The following DCAF4L1 variants were observed in gnomAD, a reference collection of about 807,000 sequenced individuals.
DCAF4L1 encodes DDB1- and CUL4-associated factor 4-like protein 1.
In DCAF4L1, 4 loss-of-function variants were observed where a neutral mutation model predicts 28.2. The ratio of observed to expected loss-of-function variants is 0.14; its 90% CI spans 0.07 to 0.33. The LOEUF is 0.33. Among genes scored for constraint, DCAF4L1 ranks in the 10% least tolerant of loss-of-function variants. The pLI is 1.00. For missense variants in DCAF4L1, 331 were observed against 506.1 expected (o/e 0.65, Z 3.32); for synonymous variants, 252 against 212.1 (o/e 1.19, Z -1.63).
At position 41,985,939 on chromosome 4, in the gene DCAF4L1, CT is replaced by C. The variant is rs1304885911; in HGVS notation, c.*2957del. ...GCAATGCTGGTGTCATGCCAGACCC[CT>C]AGTGACTCCAATAGTAATGGCACTG... On this transcript the variant is annotated 3_prime_UTR_variant, in exon 1 of 1. Coordinates refer to ENST00000333141, the MANE Select transcript of DCAF4L1 (RefSeq NM_001029955.4). 1 of 167,092 alleles carries C rather than the reference CT, an allele frequency of 6.0e-6. No individual in the cohort carries two copies. Among genetic ancestry groups the C allele is most frequent in the Admixed American group, 6.5e-5 (1 of 15,284 alleles). 10.4% of individuals were successfully genotyped at this position (167,092 alleles called of 1,614,324 possible).
In DCAF4L1 at chr4:41,984,440, CTTT is replaced by C. The variant is rs71198696; in HGVS notation, c.*1473_*1475del. 5 of 128,484 alleles carry C rather than the reference CTTT, an allele frequency of 3.9e-5. No individual in the cohort carries two copies. Among genetic ancestry groups the C allele is most frequent in the African/African-American group, 5.9e-5 (2 of 33,970 alleles). The allele number at this position is 128,484 out of a possible 1,614,324, so 8.0% of individuals were successfully genotyped here. A position where few individuals can be genotyped will look rare whatever the true frequency, so the allele number is the denominator to read the frequency against. On this transcript the variant is annotated 3_prime_UTR_variant, in exon 1 of 1. Transcript: ENST00000333141. The stretch of plus-strand genomic sequence containing the variant: ...AAAGTGAAAGAAAAAAGGATGGCAG[CTTT>C]TTTTTTTTTTTTTTTGAGACGGAGT...
In DCAF4L1 at chr4:41,982,154, A is replaced by G. The variant is rs1714003328; in HGVS notation, c.362A>G (p.Tyr121Cys). ...SFHVYVLRNL[Y>C]VPNRKVKSLC... Reference sequence around the variant, plus strand: ...CACGTGTACGTGCTCAGAAACCTCTACGTCCCCAACCGGAAGGTGAAGTCC... The same window carrying G: ...CACGTGTACGTGCTCAGAAACCTCTGCGTCCCCAACCGGAAGGTGAAGTCC... Residue 121 changes from tyrosine to cysteine, a missense_variant, in exon 1 of 1, where the codon TAC (tyrosine) becomes TGC (cysteine). Tyr to Cys is a radical substitution (Grantham distance 194). Coordinates refer to ENST00000333141, the MANE Select transcript of DCAF4L1 (RefSeq NM_001029955.4). This position sits in a 1 kb window ranked among gnomAD's most constrained non-coding sequence, Gnocchi z 4.4. 6.2e-7 allele frequency: 1 copy of G among 1,614,114 alleles called. No individual in the cohort carries two copies. Among genetic ancestry groups the G allele is most frequent in the African/African-American group, 1.3e-5 (1 of 74,936 alleles).
rs1230573352 is a variant in DCAF4L1 at position 41,986,396 on chromosome 4, T to G, written c.*3413T>G. 1 of 167,118 alleles carries G rather than the reference T, an allele frequency of 6.0e-6. No homozygotes were observed. The highest frequency in any genetic ancestry group is 1.5e-5 in the Non-Finnish European group (1 of 68,138). The allele number at this position is 167,118 out of a possible 1,614,324, so 10.4% of individuals were successfully genotyped here. On this transcript the variant is annotated 3_prime_UTR_variant, in exon 1 of 1. Transcript: ENST00000333141. Reference sequence around the variant, plus strand: ...ACAGTTTTTGTTCACTAGTGATAATTGTTAGAGCTATGCCCTTAATATATG... The same window carrying G: ...ACAGTTTTTGTTCACTAGTGATAATGGTTAGAGCTATGCCCTTAATATATG...
rs143365042 is a variant in DCAF4L1, at chr4:41,982,738, G to A, written c.946G>A (p.Ala316Thr). Residue 316 changes from alanine (A) to threonine (T), a missense_variant, in exon 1 of 1, where the codon GCC becomes ACC. Transcript: ENST00000333141. The surrounding 1 kb of genome is among the most constrained non-coding windows in gnomAD (Gnocchi z 4.4). ...GTACGAAGGTCACGTGAATGAGTCC[G>A]CCTATCTGCCCCTGCATGTGCACGA... ...RQYEGHVNES[A>T]YLPLHVHEEE... 5.0e-6 allele frequency: 8 copies of A among 1,614,092 alleles called. No homozygotes were observed. In the African/African-American group the frequency reaches 9.3e-5, roughly 19 times the overall value.
chr4:41,983,149 AAAGTT>A lies in DCAF4L1; in HGVS notation c.*168_*172del. On this transcript the variant is annotated 3_prime_UTR_variant, in exon 1 of 1. Coordinates refer to ENST00000333141, the MANE Select transcript of DCAF4L1 (RefSeq NM_001029955.4). ...GAGTTTTATGTGGAGACGTTCTTGT[AAAGTT>A]ATTTCAGTTAAACTGTGGACTTAAC... The A allele has an allele frequency of 1.6e-6, 1 of 638,062 alleles. No homozygotes were observed. Among genetic ancestry groups the A allele is most frequent in the Non-Finnish European group, 2.7e-6 (1 of 366,130 alleles). 39.5% of individuals were successfully genotyped at this position (638,062 alleles called of 1,614,324 possible). A position where few individuals can be genotyped will look rare whatever the true frequency, so the allele number is the denominator to read the frequency against.
chr4:41,982,846 A>G lies in DCAF4L1; in HGVS notation c.1054A>G (p.Ile352Val). Residue 352 changes from isoleucine (I) to valine (V), a missense_variant, in exon 1 of 1, where the codon ATC (isoleucine) becomes GTC (valine). Transcript: ENST00000333141. This position sits in a 1 kb window ranked among gnomAD's most constrained non-coding sequence, Gnocchi z 4.4. The part of the protein sequence containing the change: ...SLHDAHLLRT[I>V]PSPYSASEDD... The stretch of plus-strand genomic sequence containing the variant: ...CCATGATGCCCACCTGCTCAGAACC[A>G]TCCCTTCCCCGTACTCTGCCTCCGA... The G allele has an allele frequency of 6.2e-7, 1 of 1,614,048 alleles. No individual in the cohort carries two copies. The highest frequency in any genetic ancestry group is 1.3e-5 in the African/African-American group (1 of 75,016).
chr4:41,983,054 T>C lies in DCAF4L1; in HGVS notation c.*71T>C. On this transcript the variant is annotated 3_prime_UTR_variant, in exon 1 of 1. Coordinates refer to ENST00000333141, the MANE Select transcript of DCAF4L1 (RefSeq NM_001029955.4). ...GTTAAGAGTATCTTATTACCGTTTC[T>C]GTGAGAGCATTTTAAGAGACGTGTT... The C allele has an allele frequency of 1.5e-6, 2 of 1,359,194 alleles. No homozygotes were observed. The highest frequency in any genetic ancestry group is 4.7e-5 in the East Asian group (2 of 42,736). 84.2% of individuals were successfully genotyped at this position (1,359,194 alleles called of 1,614,324 possible).
At position 41,982,273 on chromosome 4, in the gene DCAF4L1, G is replaced by C. The variant is rs1365100381; in HGVS notation, c.481G>C (p.Ala161Pro). 1 of 1,614,214 alleles carries C rather than the reference G, an allele frequency of 6.2e-7. No individual in the cohort carries two copies. ...DAPSCAVLLP[A>P]SRFLSVHTRV... ...TCCAAGCTGTGCAGTGCTGCTCCCA[G>C]CGTCGCGGTTCTTAAGTGTTCACAC... is the stretch of plus-strand genomic sequence containing the variant. Residue 161 changes from alanine to proline, a missense_variant, in exon 1 of 1, where the codon GCG becomes CCG. Coordinates refer to ENST00000333141, the MANE Select transcript of DCAF4L1 (RefSeq NM_001029955.4). The surrounding 1 kb of genome is among the most constrained non-coding windows in gnomAD (Gnocchi z 4.4).
Position 41,982,216 on chromosome 4 carries a change from G to C in DCAF4L1, c.424G>C (p.Val142Leu). Residue 142 changes from valine to leucine, a missense_variant, in exon 1 of 1, where the codon GTT (valine) becomes CTT (leucine). Coordinates refer to ENST00000333141, the MANE Select transcript of DCAF4L1 (RefSeq NM_001029955.4). This position sits in a 1 kb window ranked among gnomAD's most constrained non-coding sequence, Gnocchi z 4.4. ...CTCGCTGAACCAGTTGGACTCTCACGTTCTGCTGTGCTTCGAGGGAATCAC... is the reference window on the plus strand; with the variant it reads ...CTCGCTGAACCAGTTGGACTCTCACCTTCTGCTGTGCTTCGAGGGAATCAC... Reference protein sequence around the residue: ...WASLNQLDSHVLLCFEGITDA... With the variant: ...WASLNQLDSHLLLCFEGITDA... The C allele has an allele frequency of 1.9e-6, 3 of 1,614,228 alleles. No homozygotes were observed. The highest frequency in any genetic ancestry group is 1.7e-6 in the Non-Finnish European group (2 of 1,180,042).
chr4:41,985,999 G>T lies in DCAF4L1; in HGVS notation c.*3016G>T, dbSNP rs1284692338. 1.8e-5 allele frequency: 3 copies of T among 167,128 alleles called. No individual in the cohort carries two copies. The highest frequency in any genetic ancestry group is 3.8e-4 in the East Asian group (2 of 5,206). The allele number at this position is 167,128 out of a possible 1,614,324, so 10.4% of individuals were successfully genotyped here. On this transcript the variant is annotated 3_prime_UTR_variant, in exon 1 of 1. Coordinates refer to ENST00000333141, the MANE Select transcript of DCAF4L1 (RefSeq NM_001029955.4). ...AGTCCAAAGAAGATGCGTAGACAGCGAACAAGACTTGGGTTTATTGGGGGA... is the reference window on the plus strand; with the variant it reads ...AGTCCAAAGAAGATGCGTAGACAGCTAACAAGACTTGGGTTTATTGGGGGA...
Position 41,985,898 on chromosome 4 carries a change from A to T in DCAF4L1, c.*2915A>T, listed in dbSNP as rs1043981378. Reference sequence around the variant, plus strand: ...GGGCAGAAGAGTAGTGACCAGAAGAAGATTCTAGGAAGCTAGCAATGCTGG... The same window carrying T: ...GGGCAGAAGAGTAGTGACCAGAAGATGATTCTAGGAAGCTAGCAATGCTGG... On this transcript the variant is annotated 3_prime_UTR_variant, in exon 1 of 1. Transcript: ENST00000333141. 1 of 167,132 alleles carries T rather than the reference A, an allele frequency of 6.0e-6. No homozygotes were observed. Among genetic ancestry groups the T allele is most frequent in the Admixed American group, 6.5e-5 (1 of 15,286 alleles). 10.4% of individuals were successfully genotyped at this position (167,132 alleles called of 1,614,324 possible).
Position 41,982,031 on chromosome 4 carries a change from G to A in DCAF4L1, c.239G>A (p.Ser80Asn), listed in dbSNP as rs1410426543. 12 of 1,614,090 alleles carry A rather than the reference G, an allele frequency of 7.4e-6. No individual in the cohort carries two copies. The highest frequency in any genetic ancestry group is 9.3e-6 in the Non-Finnish European group (11 of 1,180,046). Residue 80 changes from serine (S) to asparagine (N), a missense_variant, in exon 1 of 1, where the codon AGT (serine) becomes AAT (asparagine). By Grantham distance (46) the Ser-to-Asn change is conservative. Coordinates refer to ENST00000333141, the MANE Select transcript of DCAF4L1 (RefSeq NM_001029955.4). The surrounding 1 kb of genome is among the most constrained non-coding windows in gnomAD (Gnocchi z 4.4). ...GACCGATTTAACTTCATTCTGGCGA[G>A]TACCAACAGCGACCAGCTCTTCGTA... ...ASDRFNFILA[S>N]TNSDQLFVVN... is the part of the protein sequence containing the mutation.
chr4:41,982,287 A>G lies in DCAF4L1; in HGVS notation c.495A>G (p.Leu165=), dbSNP rs1386042742. 1 of 1,614,218 alleles carries G rather than the reference A, an allele frequency of 6.2e-7. No homozygotes were observed. ...TGCTGCTCCCAGCGTCGCGGTTCTTAAGTGTTCACACAAGAGTTAACCAGC... is the reference window on the plus strand; with the variant it reads ...TGCTGCTCCCAGCGTCGCGGTTCTTGAGTGTTCACACAAGAGTTAACCAGC... The part of the protein sequence containing the change: ...CAVLLPASRF[L]SVHTRVNQPG... The change falls in exon 1 of 1, where the codon TTA becomes TTG. Residue 165 remains leucine, a synonymous_variant. Transcript: ENST00000333141. The surrounding 1 kb of genome is among the most constrained non-coding windows in gnomAD (Gnocchi z 4.4).
At position 41,982,054 on chromosome 4, in the gene DCAF4L1, G is replaced by A. The variant is rs1168902421; in HGVS notation, c.262G>A (p.Val88Ile). The A allele has an allele frequency of 1.9e-6, 3 of 1,614,080 alleles. No homozygotes were observed. Among genetic ancestry groups the A allele is most frequent in the Non-Finnish European group, 2.5e-6 (3 of 1,180,048 alleles). ...LASTNSDQLF[V>I]VNQVEVEGSK... ...GAGTACCAACAGCGACCAGCTCTTC[G>A]TAGTGAACCAGGTCGAAGTCGAAGG... Residue 88 changes from valine to isoleucine, a missense_variant, in exon 1 of 1, where the codon GTA (valine) becomes ATA (isoleucine). Transcript: ENST00000333141. This position sits in a 1 kb window ranked among gnomAD's most constrained non-coding sequence, Gnocchi z 4.4.
chr4:41,983,116 GGT>G lies in DCAF4L1; in HGVS notation c.*136_*137del. ...GCATCCATCCGGCTGCCAGGGGTAA[GGT>G]GTTAAGAGTTTTATGTGGAGACGTT... On this transcript the variant is annotated 3_prime_UTR_variant, in exon 1 of 1. Coordinates refer to ENST00000333141, the MANE Select transcript of DCAF4L1 (RefSeq NM_001029955.4). 2 of 764,316 alleles carry G rather than the reference GGT, an allele frequency of 2.6e-6. No homozygotes were observed. The highest frequency in any genetic ancestry group is 4.2e-6 in the Non-Finnish European group (2 of 473,742). 47.3% of individuals were successfully genotyped at this position (764,316 alleles called of 1,614,324 possible). A position where few individuals can be genotyped will look rare whatever the true frequency, so the allele number is the denominator to read the frequency against.
chr4:41,983,057 G>A lies in DCAF4L1; in HGVS notation c.*74G>A, dbSNP rs1714041558. ...AAGAGTATCTTATTACCGTTTCTGTGAGAGCATTTTAAGAGACGTGTTGTA... is the reference window on the plus strand; with the variant it reads ...AAGAGTATCTTATTACCGTTTCTGTAAGAGCATTTTAAGAGACGTGTTGTA... On this transcript the variant is annotated 3_prime_UTR_variant, in exon 1 of 1. Transcript: ENST00000333141. 1 of 1,354,178 alleles carries A rather than the reference G, an allele frequency of 7.4e-7. No homozygotes were observed. The highest frequency in any genetic ancestry group is 1.0e-6 in the Non-Finnish European group (1 of 986,986). 83.9% of individuals were successfully genotyped at this position (1,354,178 alleles called of 1,614,324 possible). A position where few individuals can be genotyped will look rare whatever the true frequency, so the allele number is the denominator to read the frequency against.
Position 41,981,959 on chromosome 4 carries a change from G to A in DCAF4L1, c.167G>A (p.Arg56Gln), listed in dbSNP as rs568189767. ...GAGCTGCGTGTGAGCTGCATGGAGCGGAAAAAGGTCCAAATTCGGAGCTTG... is the reference window on the plus strand; with the variant it reads ...GAGCTGCGTGTGAGCTGCATGGAGCAGAAAAAGGTCCAAATTCGGAGCTTG... Reference protein sequence around the residue: ...ANELRVSCMERKKVQIRSLDP... With the variant: ...ANELRVSCMEQKKVQIRSLDP... Residue 56 changes from arginine (R) to glutamine (Q), a missense_variant, in exon 1 of 1, where the codon CGG (arginine) becomes CAG (glutamine). Transcript: ENST00000333141. 5 of 1,614,082 alleles carry A rather than the reference G, an allele frequency of 3.1e-6. No individual in the cohort carries two copies. The highest frequency in any genetic ancestry group is 2.2e-5 in the East Asian group (1 of 44,892).
chr4:41,982,198 A>C lies in DCAF4L1; in HGVS notation c.406A>C (p.Asn136His), dbSNP rs753756703. ...KVKSLCWASL[N>H]QLDSHVLLCF... ...GAAGTCCCTGTGCTGGGCCTCGCTG[A>C]ACCAGTTGGACTCTCACGTTCTGCT... Residue 136 changes from asparagine to histidine, a missense_variant, in exon 1 of 1, where the codon AAC (asparagine) becomes CAC (histidine). By Grantham distance (68) the Asn-to-His change is moderately conservative. Transcript: ENST00000333141. This position sits in a 1 kb window ranked among gnomAD's most constrained non-coding sequence, Gnocchi z 4.4. The C allele has an allele frequency of 1.2e-6, 2 of 1,614,224 alleles. No homozygotes were observed. Among genetic ancestry groups the C allele is most frequent in the African/African-American group, 1.3e-5 (1 of 75,064 alleles).
rs1329409607 is a variant in DCAF4L1, at chr4:41,983,063, A to T, written c.*80A>T. On this transcript the variant is annotated 3_prime_UTR_variant, in exon 1 of 1. Coordinates refer to ENST00000333141, the MANE Select transcript of DCAF4L1 (RefSeq NM_001029955.4). ...ATCTTATTACCGTTTCTGTGAGAGC[A>T]TTTTAAGAGACGTGTTGTATATAGA... The T allele has an allele frequency of 1.5e-5, 20 of 1,290,968 alleles. No homozygotes were observed. The highest frequency in any genetic ancestry group is 2.1e-5 in the Non-Finnish European group (20 of 933,102). 80.0% of individuals were successfully genotyped at this position (1,290,968 alleles called of 1,614,324 possible). A position where few individuals can be genotyped will look rare whatever the true frequency, so the allele number is the denominator to read the frequency against.
Sources: allele counts gnomAD v4.1 joint callset, GRCh38; gene constraint gnomAD v4.1.1; non-coding constraint Gnocchi (gnomAD v3.1); transcripts MANE v1.5; gene names NCBI Gene and HGNC (gene_info 2026-07-23, HGNC 2026-07-21).